SDHAF3: variants seen among roughly 807,000 people sequenced by gnomAD.
SDHAF3 encodes the protein succinate dehydrogenase assembly factor 3, mitochondrial.
In SDHAF3, 18 loss-of-function variants were observed where a neutral mutation model predicts 11.5. That is an observed-to-expected ratio of 1.56 (90% confidence interval 1.08 to 2.32). The LOEUF (loss-of-function observed/expected upper bound fraction) is 2.32. Ranked by LOEUF, SDHAF3 falls within the 30% of genes most tolerant of loss-of-function variation. SDHAF3 has a pLI of 0.00. For synonymous variants in SDHAF3, 72 were observed against 59.3 expected (o/e 1.21, Z -0.99); for missense variants, 200 against 154.4 (o/e 1.30, Z -1.57).
At chr7:97,172,370 G>A (rs1789614161) in intron 1 of SDHAF3, among the ~76,000 whole-genome samples, 1 of 152,112 alleles carries the variant, frequency 6.6e-6, no homozygotes, top group Non-Finnish European at 1.5e-5. Context: ...AATGGGTCCA[G>A]TAGCTTTTCT....
chr7:97,143,191 C>A (rs1789082762), intron 1 of SDHAF3, among the ~76,000 whole-genome samples: 1 of 152,050 alleles, frequency 6.6e-6, no homozygotes, highest in Non-Finnish European at 1.5e-5. Context: ...CCACCACTCC[C>A]AGCCCCTTCT....
At chr7:97,126,830 C>T (rs1791583680) in intron 1 of SDHAF3, among the ~76,000 whole-genome samples, 1 of 144,794 alleles carries the variant, frequency 6.9e-6, no homozygotes, top group South Asian at 2.2e-4. Flanking sequence ...GGGTTCCAGG[C>T]ACCACTGGAG....
intron 1 of SDHAF3, among the ~76,000 whole-genome samples, chr7:97,165,357 C>CTTTTTTTTTTTTTTTTTTTTTTTT (rs10653828): frequency 1.3e-5 from 1 of 77,024 alleles, no homozygotes; most frequent in Non-Finnish European, 2.4e-5. Flanking sequence ...ATTTTCCTAC[C>CTTTTTTTTTTTTTTTTTTTTTTTT]TTTTTTTTTT....
chr7:97,176,784 C>A (rs922821275), intron 1 of SDHAF3, among the ~76,000 whole-genome samples: 34 of 152,092 alleles, frequency 2.2e-4, no homozygotes, highest in Admixed American at 2.1e-3. Context: ...ATAAATTATA[C>A]CCTAAGTGAA....
chr7:97,135,321 G>A (rs1301185790), intron 1 of SDHAF3: 1 of 152,040 alleles, frequency 6.6e-6, no homozygotes, highest in Non-Finnish European at 1.5e-5. Context: ...GATAGTTTGT[G>A]GACATTAGGA....
intron 1 of SDHAF3, among the ~76,000 whole-genome samples, chr7:97,170,341 A>AGG (rs1236332798): frequency 9.9e-5 from 15 of 152,202 alleles, no homozygotes; most frequent in South Asian, 2.1e-4. Flanking sequence ...TAGTCCATTC[A>AGG]CCTAAATGAT....
chr7:97,164,272 G>T (rs983959523), intron 1 of SDHAF3, among the ~76,000 whole-genome samples: 1 of 151,514 alleles, frequency 6.6e-6, no homozygotes, highest in Non-Finnish European at 1.5e-5. Context: ...CTGTCACCCA[G>T]GCTGGAGTGC....
Position 97,158,321 on chromosome 7 carries a change from T to G in SDHAF3, c.175-22691T>G, listed in dbSNP as rs546444686. ...TTCTGATCCTATAAACATCTTAGTTTCCCCGTGTTTTTGTTTGTTTGTTTG... is the reference window on the plus strand; with the variant it reads ...TTCTGATCCTATAAACATCTTAGTTGCCCCGTGTTTTTGTTTGTTTGTTTG... On this transcript the variant is annotated intron_variant, in intron 1 of 1. Transcript: ENST00000432641. 2.0e-5 allele frequency among the ~76,000 whole-genome samples: 3 copies of G among 152,264 alleles called. No homozygotes were observed. The South Asian group carries it at 6.2e-4, about 32-fold the overall frequency.
At chr7:97,136,420 A>T (rs1791771134) in intron 1 of SDHAF3, 5 of 641,544 alleles carry the variant, frequency 7.8e-6, no homozygotes, top group African/African-American at 1.8e-5. Context: ...CATGTATCTG[A>T]AAAGAAAATT....
intron 1 of SDHAF3, among the ~76,000 whole-genome samples, chr7:97,118,549 C>CTT (rs34297923): frequency 7.1e-6 from 1 of 141,678 alleles, no homozygotes; most frequent in African/African-American, 2.6e-5. Context: ...AGTCGTTTGA[C>CTT]TTTTTTTTTT....
At chr7:97,168,630 A>G (rs62499477) in intron 1 of SDHAF3, among the ~76,000 whole-genome samples, 26,354 of 152,124 alleles carry the variant, frequency 0.17, 2,886 homozygotes, top group Non-Finnish European at 0.25. Context: ...GTGTGGGCTA[A>G]TGAAGATGGA....
intron 1 of SDHAF3, among the ~76,000 whole-genome samples, chr7:97,171,918 A>G (rs925903482): frequency 6.6e-6 from 1 of 152,128 alleles, no homozygotes; most frequent in Non-Finnish European, 1.5e-5. Context: ...ATTAATTACA[A>G]TCTGCAAAAT....
At chr7:97,162,347 AT>A (rs1009344051) in intron 1 of SDHAF3, among the ~76,000 whole-genome samples, 2 of 151,458 alleles carry the variant, frequency 1.3e-5, no homozygotes, top group South Asian at 2.1e-4. Context: ...GGCTTCATTG[AT>A]TTTTTTTGAA....
intron 1 of SDHAF3, among the ~76,000 whole-genome samples, chr7:97,134,324 G>A (rs143387121): frequency 6.6e-5 from 10 of 152,258 alleles, no homozygotes; most frequent in Admixed American, 3.9e-4. Context: ...ATAAGCTATA[G>A]ATATATATAA....
chr7:97,176,949 T>C (rs1026232655), intron 1 of SDHAF3, among the ~76,000 whole-genome samples: 1 of 152,164 alleles, frequency 6.6e-6, no homozygotes, highest in African/African-American at 2.4e-5. Context: ...AAAATTCCAT[T>C]CCCCTTTCTT....
chr7:97,123,841 G>T (rs10255424), intron 1 of SDHAF3, among the ~76,000 whole-genome samples: 375 of 137,934 alleles, frequency 2.7e-3, no homozygotes, highest in African/African-American at 9.0e-3. Context: ...ACTTTTGGAT[G>T]GGTTTTTTTT....
At chr7:97,143,723 A>G (rs1159821139) in intron 1 of SDHAF3, among the ~76,000 whole-genome samples, 45 of 150,270 alleles carry the variant, frequency 3.0e-4, no homozygotes, top group Non-Finnish European at 1.5e-5. Context: ...TTATCCACTC[A>G]TTGATTGATG....
Position 97,133,858 on chromosome 7 carries a change from T to C in SDHAF3, c.174+15961T>C, listed in dbSNP as rs1049946615. On this transcript the variant is annotated intron_variant, in intron 1 of 1. Transcript: ENST00000432641. ...CTAAAATATTTGTGCTTTATTCGAATAGATTTAAAAATTATAGTATGGTTT... is the reference window on the plus strand; with the variant it reads ...CTAAAATATTTGTGCTTTATTCGAACAGATTTAAAAATTATAGTATGGTTT... Among the ~76,000 whole-genome samples, 10 of 152,322 alleles carry C rather than the reference T, an allele frequency of 6.6e-5. No individual in the cohort carries two copies. In the South Asian group the frequency reaches 1.9e-3, roughly 28 times the overall value.
intron 1 of SDHAF3, among the ~76,000 whole-genome samples, chr7:97,159,533 A>G (rs1789365899): frequency 6.6e-6 from 1 of 152,208 alleles, no homozygotes; most frequent in African/African-American, 2.4e-5. Flanking sequence ...TTCTAAGTCA[A>G]GCAAGAGAAA....
Sources: allele counts gnomAD v4.1 joint callset (sites outside exome capture counted in the v4.1 genomes callset), GRCh38; gene constraint gnomAD v4.1.1; transcripts MANE v1.5; gene names NCBI Gene and HGNC (gene_info 2026-07-23, HGNC 2026-07-21).